LRP1B: variants seen among roughly 807,000 people sequenced by gnomAD.
LRP1B encodes low-density lipoprotein receptor-related protein 1B.
LRP1B carries 217 observed loss-of-function variants against 556.6 expected under a neutral mutation model. That is an observed-to-expected ratio of 0.39 (90% CI 0.35 to 0.44). LRP1B has a LOEUF of 0.44. Among genes scored for constraint, LRP1B ranks in the 20% least tolerant of loss-of-function variants. LRP1B has a pLI of 1.00. For missense variants in LRP1B, 5,053 were observed against 5,620.8 expected, an observed-to-expected ratio of 0.90 and a Z score of 3.23; for synonymous variants, 2,047 against 1,865.8, an observed-to-expected ratio of 1.10 and a Z score of -2.50.
chr2:141,381,445 C>T (rs1370298654), intron 3 of LRP1B, among the ~76,000 whole-genome samples: 1 of 150,842 alleles, frequency 6.6e-6, no homozygotes, highest in Admixed American at 6.6e-5. Context: ...ATGGAAATTC[C>T]AGAAGGAGAA....
chr2:142,062,285 C>T (rs979307232), intron 1 of LRP1B, among the ~76,000 whole-genome samples: 2 of 151,818 alleles, frequency 1.3e-5, no homozygotes, highest in Non-Finnish European at 2.9e-5. Context: ...CACATACTGT[C>T]ACCTCTCTGA....
Position 141,950,652 on chromosome 2 carries a change from C to CT in LRP1B, c.83-140252dup, listed in dbSNP as rs925290137. On this transcript the variant is annotated intron_variant, in intron 1 of 90. Transcript: ENST00000389484. Reference sequence around the variant, plus strand: ...GATAATGAAACAAATATTAAATATGCTTTTTTTTCTTAGAAACGTCATCCT... The same window carrying CT: ...GATAATGAAACAAATATTAAATATGCTTTTTTTTTCTTAGAAACGTCATCCT... Among the ~76,000 whole-genome samples the CT allele has an allele frequency of 3.9e-4, 60 of 152,004 alleles. 1 individual carries two copies. The highest frequency in any genetic ancestry group is 1.9e-4 in the East Asian group (1 of 5,166).
intron 1 of LRP1B, among the ~76,000 whole-genome samples, chr2:141,846,493 T>A (rs1558914420): frequency 6.6e-6 from 1 of 151,388 alleles, no homozygotes; most frequent in African/African-American, 2.4e-5. Flanking sequence ...TTCTAAAAAA[T>A]AAAAAAATGT....
chr2:141,897,842 T>C (rs1192518826), intron 1 of LRP1B, among the ~76,000 whole-genome samples: 1 of 152,144 alleles, frequency 6.6e-6, no homozygotes, highest in African/African-American at 2.4e-5. Context: ...AACACGGTTA[T>C]AAATTTTTCC....
At chr2:141,876,001 C>T (rs572453896) in intron 1 of LRP1B, among the ~76,000 whole-genome samples, 6 of 151,852 alleles carry the variant, frequency 4.0e-5, no homozygotes, top group Non-Finnish European at 7.4e-5. Flanking sequence ...AACAATAATA[C>T]AGGAAGAAGT....
intron 89 of LRP1B, 167 bp from the exon 90 acceptor site, chr2:140,235,051 C>A: frequency 2.4e-6 from 1 of 410,586 alleles, no homozygotes; most frequent in Admixed American, 4.0e-5. Flanking sequence ...CTTAAAATAT[C>A]CAATATTAAT....
At chr2:140,852,490 G>T (rs183678949) in intron 27 of LRP1B, among the ~76,000 whole-genome samples, 25 of 152,290 alleles carry the variant, frequency 1.6e-4, no homozygotes, top group African/African-American at 2.9e-4. Flanking sequence ...AACCATGAAG[G>T]TTCCCTTCTT....
chr2:141,414,521 A>G (rs1402266084), intron 3 of LRP1B, among the ~76,000 whole-genome samples: 1 of 152,200 alleles, frequency 6.6e-6, no homozygotes, highest in African/African-American at 2.4e-5. Flanking sequence ...GCAAAGTGGC[A>G]TTTAATTTTT....
intron 2 of LRP1B, among the ~76,000 whole-genome samples, chr2:141,642,929 C>T (rs188254419): frequency 0.011 from 1,671 of 152,146 alleles, 18 homozygotes; most frequent in Middle Eastern, 0.017. Flanking sequence ...AGTGAAAGCA[C>T]TGGTTGCCAA....
intron 32 of LRP1B, 86 bp downstream of exon 32, chr2:140,813,571 G>GT: frequency 8.2e-7 from 1 of 1,217,112 alleles, no homozygotes; most frequent in Non-Finnish European, 1.2e-6. Context: ...TAGTGGAGCA[G>GT]TAACTTTCCT....
chr2:141,137,880 G>A (rs1206451576), intron 7 of LRP1B, among the ~76,000 whole-genome samples: 1 of 150,498 alleles, frequency 6.6e-6, no homozygotes, highest in African/African-American at 2.4e-5. Context: ...CCATGTTATG[G>A]ATTTTTTTTT....
At chr2:140,588,831 C>T (rs555976041) in intron 43 of LRP1B, among the ~76,000 whole-genome samples, 473 of 57,314 alleles carry the variant, frequency 8.3e-3, no homozygotes, top group South Asian at 0.033. Flanking sequence ...TGGTGGCACA[C>T]GCCTGTAGTC....
intron 21 of LRP1B, among the ~76,000 whole-genome samples, chr2:140,908,616 A>G (rs1441443645): frequency 1.3e-5 from 2 of 152,026 alleles, no homozygotes; most frequent in Admixed American, 1.3e-4. Flanking sequence ...CACTCCAGAC[A>G]TATGTACATG....
chr2:141,552,598 G>A (rs1044090938), intron 2 of LRP1B, among the ~76,000 whole-genome samples: 2 of 151,982 alleles, frequency 1.3e-5, no homozygotes, highest in Non-Finnish European at 2.9e-5. Flanking sequence ...CTAGTGATAG[G>A]AGGCTCACAG....
intron 3 of LRP1B, among the ~76,000 whole-genome samples, chr2:141,430,653 A>T (rs1404859914): frequency 1.3e-5 from 2 of 152,032 alleles, no homozygotes; most frequent in Non-Finnish European, 2.9e-5. Flanking sequence ...TTTAAAAAAG[A>T]TTTTGAGGTC....
Position 140,850,185 on chromosome 2 carries a change from C to A in LRP1B, c.4856G>T (p.Arg1619Leu). ...TGTTTTAATATCTGTCCAGTATAAACGTTCCTCAGATGCATCGAAGTCTAT... is the reference window on the plus strand; with the variant it reads ...TGTTTTAATATCTGTCCAGTATAAAAGTTCCTCAGATGCATCGAAGTCTAT... Reference protein sequence around the residue: ...TVIDFDASEERLYWTDIKTQT... With the variant: ...TVIDFDASEELLYWTDIKTQT... The change falls in exon 29 of 91, where the codon CGT becomes CTT. Residue 1619 changes from arginine (R) to leucine (L), a missense_variant. Transcript: ENST00000389484. The A allele has an allele frequency of 1.2e-6, 2 of 1,613,752 alleles. No individual in the cohort carries two copies. Among genetic ancestry groups the A allele is most frequent in the Non-Finnish European group, 8.5e-7 (1 of 1,179,742 alleles).
At position 140,972,769 on chromosome 2, in the gene LRP1B, T is replaced by C. The variant is rs1328226103; in HGVS notation, c.2887+9391A>G. 4.6e-5 allele frequency among the ~76,000 whole-genome samples: 7 copies of C among 151,776 alleles called. 1 individual carries two copies. In the East Asian group the frequency reaches 1.3e-3, roughly 29 times the overall value. The stretch of plus-strand genomic sequence containing the variant: ...TAATATTTGATCATGACTCCGAAAC[T>C]GAGAGAAAATTTGGAAACTAGAGAG... On this transcript the variant is annotated intron_variant, in intron 18 of 90. Transcript: ENST00000389484.
intron 1 of LRP1B, among the ~76,000 whole-genome samples, chr2:142,021,934 CAA>C (rs1302334331): frequency 6.6e-6 from 1 of 151,954 alleles, no homozygotes; most frequent in Non-Finnish European, 1.5e-5. Flanking sequence ...GCTCTGGTGC[CAA>C]AAGATTATTG....
chr2:140,485,957 CTTGACCTATTTAG>C (rs952078691), intron 58 of LRP1B, among the ~76,000 whole-genome samples: 2 of 151,642 alleles, frequency 1.3e-5, no homozygotes, highest in African/African-American at 4.8e-5. Flanking sequence ...CTCTACTGCT[CTTGACCTATTTAG>C]TTAACTACAA....
Sources: gnomAD v4.1 joint callset for allele counts (sites outside exome capture counted in the v4.1 genomes callset) on GRCh38, gnomAD v4.1.1 for gene constraint, MANE v1.5 for transcripts, NCBI Gene and HGNC (gene_info 2026-07-23, HGNC 2026-07-21) for gene names.